WWOX: variants seen among roughly 807,000 people sequenced by gnomAD.
WWOX encodes WW domain-containing oxidoreductase.
Under a neutral mutation model 46.2 loss-of-function variants are expected in WWOX, and 69 were observed. The ratio of observed to expected loss-of-function variants is 1.49; its 90% CI spans 1.23 to 1.82. WWOX has a LOEUF of 1.82. Among genes scored for constraint, WWOX ranks in the 40% most tolerant of loss-of-function variants. The pLI is 0.00. For missense variants in WWOX, 919 were observed against 542.6 expected (o/e 1.69, Z -6.89); for synonymous variants, 359 against 202.6 (o/e 1.77, Z -6.56).
intron 5 of WWOX, among the ~76,000 whole-genome samples, chr16:78,384,395 C>G (rs1051239613): frequency 6.6e-6 from 1 of 152,004 alleles, no homozygotes; most frequent in Admixed American, 6.6e-5. Flanking sequence ...GAGGCATCAG[C>G]GTCTCTGTGG....
At chr16:78,137,673 C>G (rs2033846602) in intron 4 of WWOX, among the ~76,000 whole-genome samples, 1 of 152,166 alleles carries the variant, frequency 6.6e-6, no homozygotes, top group South Asian at 2.1e-4. Flanking sequence ...TTTTAGATTC[C>G]TGAAACAGTC....
chr16:79,162,827 C>G (rs1014573292), intron 8 of WWOX, among the ~76,000 whole-genome samples: 1 of 152,112 alleles, frequency 6.6e-6, no homozygotes, highest in Non-Finnish European at 1.5e-5. Flanking sequence ...CCTTCCCCAA[C>G]CTTCTGCAAA....
At position 78,970,730 on chromosome 16, in the gene WWOX, C is replaced by G. The variant is rs539302604; in HGVS notation, c.1057-240878C>G. ...AGCCATGTGTAGAACTTTCACAGAA[C>G]AGTGTGTACCTCCCCTCCTTCTTCC... On this transcript the variant is annotated intron_variant, in intron 8 of 8. Coordinates refer to ENST00000566780, the MANE Select transcript of WWOX (RefSeq NM_016373.4). Among the ~76,000 whole-genome samples, 171 of 152,200 alleles carry G rather than the reference C, an allele frequency of 1.1e-3. 1 individual carries two copies. The highest frequency in any genetic ancestry group is 3.9e-3 in the African/African-American group (161 of 41,530).
At chr16:78,633,682 G>A (rs1027058930) in intron 8 of WWOX, among the ~76,000 whole-genome samples, 12 of 152,118 alleles carry the variant, frequency 7.9e-5, no homozygotes, top group Admixed American at 2.0e-4. Flanking sequence ...TACCTCCTGC[G>A]TGCTTTTATG....
At chr16:78,117,563 G>A (rs1304622111) in intron 4 of WWOX, among the ~76,000 whole-genome samples, 1 of 152,176 alleles carries the variant, frequency 6.6e-6, no homozygotes, top group Non-Finnish European at 1.5e-5. Flanking sequence ...ACATGGCTTT[G>A]CTAAGTTAGC....
chr16:78,427,648 A>C (rs2083116899), intron 7 of WWOX, among the ~76,000 whole-genome samples: 1 of 152,078 alleles, frequency 6.6e-6, no homozygotes, highest in Non-Finnish European at 1.5e-5. Flanking sequence ...GCTTGGTAGC[A>C]CATGCCTGTA....
At position 78,117,078 on chromosome 16, in the gene WWOX, A is replaced by AC. The variant is rs796834445; in HGVS notation, c.409+1924_409+1925insC. ...AGGAGGAGATTCTGAAGCATTGAGA[A>AC]TAAATTTGTGGTTGCTGAGAATGGC... On this transcript the variant is annotated intron_variant, in intron 4 of 8. Transcript: ENST00000566780. Among the ~76,000 whole-genome samples, 47 of 152,340 alleles carry AC rather than the reference A, an allele frequency of 3.1e-4. 2 individuals are homozygous for AC. The highest frequency in any genetic ancestry group is 1.1e-3 in the African/African-American group (46 of 41,572).
chr16:79,044,064 G>C (rs966237477), intron 8 of WWOX, among the ~76,000 whole-genome samples: 2 of 152,184 alleles, frequency 1.3e-5, no homozygotes, highest in Admixed American at 1.3e-4. Context: ...CAGACCCGGT[G>C]GCCTGAGAGT....
chr16:78,656,922 C>T (rs1333414231), intron 8 of WWOX, among the ~76,000 whole-genome samples: 2 of 152,170 alleles, frequency 1.3e-5, no homozygotes, highest in South Asian at 2.1e-4. Flanking sequence ...TGTCGATACA[C>T]CGCTGCTCTG....
intron 7 of WWOX, among the ~76,000 whole-genome samples, chr16:78,428,694 C>G (rs1419971787): frequency 6.6e-6 from 1 of 152,156 alleles, no homozygotes; most frequent in Non-Finnish European, 1.5e-5. Context: ...AATACTGAAA[C>G]AGGGACCTTA....
intron 8 of WWOX, among the ~76,000 whole-genome samples, chr16:79,151,340 C>A (rs1040565166): frequency 2.0e-5 from 3 of 152,276 alleles, no homozygotes; most frequent in Admixed American, 2.0e-4. Flanking sequence ...AAAACGTCTC[C>A]AGCAGGTGTT....
chr16:78,454,655 G>A (rs978860577), intron 8 of WWOX, among the ~76,000 whole-genome samples: 8 of 150,866 alleles, frequency 5.3e-5, no homozygotes, highest in Middle Eastern at 3.4e-3. Context: ...ACAGGCATGC[G>A]CCACCATACC....
intron 6 of WWOX, among the ~76,000 whole-genome samples, chr16:78,407,799 A>T (rs1597182877): frequency 6.6e-6 from 1 of 152,240 alleles, no homozygotes; most frequent in East Asian, 1.9e-4. Context: ...GTATCCATCC[A>T]GATACCTAAA....
chr16:78,676,638 G>A (rs1007822917), intron 8 of WWOX, among the ~76,000 whole-genome samples: 19 of 152,156 alleles, frequency 1.2e-4, no homozygotes, highest in Admixed American at 2.6e-4. Context: ...GGGGCTGGAT[G>A]TTCTGCATAT....
intron 8 of WWOX, among the ~76,000 whole-genome samples, chr16:78,916,239 C>G (rs182799432): frequency 6.6e-6 from 1 of 152,136 alleles, no homozygotes; most frequent in African/African-American, 2.4e-5. Context: ...ACAAGTTTGC[C>G]GGCCAGGAAG....
intron 8 of WWOX, among the ~76,000 whole-genome samples, chr16:79,050,088 G>A (rs1013818961): frequency 1.3e-5 from 2 of 152,144 alleles, no homozygotes; most frequent in Admixed American, 6.5e-5. Context: ...ATAGGCCAGT[G>A]ACTTGGTTGC....
intron 6 of WWOX, among the ~76,000 whole-genome samples, chr16:78,408,405 G>C (rs2082599427): frequency 6.6e-6 from 1 of 152,076 alleles, no homozygotes; most frequent in Admixed American, 6.6e-5. Context: ...CTGCCTTCAG[G>C]TAGGGGAACC....
intron 8 of WWOX, among the ~76,000 whole-genome samples, chr16:78,539,433 A>G (rs1406819463): frequency 6.6e-6 from 1 of 152,230 alleles, no homozygotes; most frequent in Non-Finnish European, 1.5e-5. Context: ...GAGAGGTTAG[A>G]GTAGAATTTT....
At chr16:78,645,399 G>A (rs969293238) in intron 8 of WWOX, among the ~76,000 whole-genome samples, 3 of 152,044 alleles carry the variant, frequency 2.0e-5, no homozygotes, top group African/African-American at 7.2e-5. Flanking sequence ...GTCCAAAATG[G>A]GTCTGTCTTA....
Sources: allele counts gnomAD v4.1 joint callset (sites outside exome capture counted in the v4.1 genomes callset), GRCh38; gene constraint gnomAD v4.1.1; transcripts MANE v1.5; gene names NCBI Gene and HGNC (gene_info 2026-07-23, HGNC 2026-07-21).